SH3BP2: variants seen among roughly 807,000 people sequenced by gnomAD.
SH3BP2 encodes the protein SH3 domain-binding protein 2.
Under a neutral mutation model 56.2 loss-of-function variants are expected in SH3BP2, and 38 were observed. That is an observed-to-expected ratio of 0.68 (90% CI 0.52 to 0.89). The LOEUF is 0.89. Ranked by LOEUF, SH3BP2 falls within the 40% of genes least tolerant of loss-of-function variation. The pLI, the probability that SH3BP2 is intolerant of heterozygous loss-of-function variation, is 0.00. For missense variants in SH3BP2, 748 were observed against 762.6 expected (o/e 0.98, Z 0.23); for synonymous variants, 346 against 316.7 (o/e 1.09, Z -0.98).
intron 3 of SH3BP2, 117 bp from the exon 4 acceptor site, chr4:2,824,496 T>G (rs1724483202): frequency 1.2e-6 from 1 of 802,926 alleles, no homozygotes; most frequent in Non-Finnish European, 2.2e-6. Flanking sequence ...CCACCCGATC[T>G]GCCCTCTTCC....
intron 1 of SH3BP2, chr4:2,818,165 C>T (rs953584314): frequency 1.1e-4 from 110 of 969,794 alleles, no homozygotes; most frequent in Non-Finnish European, 1.3e-4. Context: ...CTCACCTGCC[C>T]GCCCAGTCCC....
At chr4:2,828,817 C>T (rs191848976) in intron 7 of SH3BP2, among the ~76,000 whole-genome samples, 359 of 152,334 alleles carry the variant, frequency 2.4e-3, no homozygotes, top group Middle Eastern at 0.01. Flanking sequence ...CTGAGCCACA[C>T]CAGCCTGGCG....
chr4:2,802,778 T>C (rs1723365221), intron 1 of SH3BP2, among the ~76,000 whole-genome samples: 1 of 151,876 alleles, frequency 6.6e-6, no homozygotes, highest in Non-Finnish European at 1.5e-5. Context: ...CAGAAAGACC[T>C]AACCCTCAAG....
chr4:2,831,449 CAG>C lies in SH3BP2; in HGVS notation c.1242-121_1242-120del, dbSNP rs1309451646. 3 of 762,484 alleles carry C rather than the reference CAG, an allele frequency of 3.9e-6. No homozygotes were observed. Among genetic ancestry groups the C allele is most frequent in the East Asian group, 5.4e-5 (2 of 37,168 alleles). The allele number at this position is 762,484 out of a possible 1,614,324, so 47.2% of individuals were successfully genotyped here. ...TGTTGTCCTGAGCTTTTTAGGGTCACAGGGGCCATAGCAGGCAGCTTGCCGTC... is the reference window on the plus strand; with the variant it reads ...TGTTGTCCTGAGCTTTTTAGGGTCACGGGCCATAGCAGGCAGCTTGCCGTC... On this transcript the variant is annotated intron_variant, in intron 8 of 12. Coordinates refer to ENST00000503393, the MANE Select transcript of SH3BP2 (RefSeq NM_001122681.2). This position sits in a 1 kb window ranked among gnomAD's most constrained non-coding sequence, Gnocchi z 4.1.
chr4:2,832,534 A>C, intron 11 of SH3BP2, 122 bp downstream of exon 11: 1 of 788,262 alleles, frequency 1.3e-6, no homozygotes. Flanking sequence ...TTGGTGTCTC[A>C]GCTGAATTCT....
At chr4:2,832,548 C>G (rs1021308708) in intron 11 of SH3BP2, 136 bp downstream of exon 11, 8 of 744,338 alleles carry the variant, frequency 1.1e-5, no homozygotes, top group Non-Finnish European at 1.7e-5. Context: ...GAATTCTCTT[C>G]CCAGCAGCAC....
chr4:2,820,807 G>C (rs1269473506), intron 2 of SH3BP2, 54 bp downstream of exon 2: 9 of 1,550,590 alleles, frequency 5.8e-6, no homozygotes, highest in Non-Finnish European at 8.8e-7. Flanking sequence ...GGCAGGGCTA[G>C]CCATGTAAGT....
intron 1 of SH3BP2, among the ~76,000 whole-genome samples, chr4:2,802,580 G>GTATATA (rs150785584): frequency 7.3e-6 from 1 of 137,236 alleles, no homozygotes; most frequent in African/African-American, 3.0e-5. Context: ...ATGTGTATAT[G>GTATATA]TATATATATG....
rs754384594 is a variant in SH3BP2, at chr4:2,829,940, C to G, written c.1034C>G (p.Pro345Arg). 4.3e-6 allele frequency: 7 copies of G among 1,613,540 alleles called. No homozygotes were observed. Among genetic ancestry groups the G allele is most frequent in the Non-Finnish European group, 5.9e-6 (7 of 1,179,884 alleles). ...TTCCACCTGTCCCCCCGAGGACCAC[C>G]CACATCTGAGCCCCCACCTGTGCCA... ...KSFHLSPRGP[P>R]TSEPPPVPAN... Residue 345 changes from proline to arginine, a missense_variant, in exon 8 of 13, where the codon CCC becomes CGC. Physicochemically the swap from Pro to Arg is moderately radical, Grantham distance 103 (BLOSUM62 -2). Around this residue, in one of 3 missense-constraint regions of SH3BP2, gnomAD observed 635 missense variants for 615.0 expected, o/e 1.03. Coordinates refer to ENST00000503393, the MANE Select transcript of SH3BP2 (RefSeq NM_001122681.2). The surrounding 1 kb of genome is among the most constrained non-coding windows in gnomAD (Gnocchi z 4.9).
intron 1 of SH3BP2, chr4:2,798,865 G>C (rs182658579): frequency 1.6e-6 from 1 of 607,690 alleles, no homozygotes; most frequent in Admixed American, 6.3e-5. Context: ...GTGTGACCTG[G>C]GCATCCTCCG....
At chr4:2,832,955 C>A in intron 11 of SH3BP2, 35 bp from the exon 12 acceptor site, 1 of 1,609,194 alleles carries the variant, frequency 6.2e-7, no homozygotes, top group Non-Finnish European at 8.5e-7. Context: ...CGCTGTTTCT[C>A]AGGGAGCCGT....
At position 2,832,348 on chromosome 4, in the gene SH3BP2, G is replaced by T; in HGVS notation, c.1424G>T (p.Ser475Ile). The change falls in exon 11 of 13, where the codon AGC (serine) becomes ATC (isoleucine). Residue 475 changes from serine (S) to isoleucine (I), a missense_variant. Ser to Ile is a moderately radical substitution (Grantham distance 142). Transcript: ENST00000503393. ...CEVERLFKAT[S>I]PRGEPQDGLY... is the part of the protein sequence containing the mutation. ...TATTTTAGGTTGTTCAAGGCTACAA[G>T]CCCCCGGGGAGAGCCCCAGGATGGA... 6.2e-7 allele frequency: 1 copy of T among 1,614,022 alleles called. No individual in the cohort carries two copies. The highest frequency in any genetic ancestry group is 1.7e-5 in the Admixed American group (1 of 60,022).
rs1304022596 is a variant in SH3BP2, at chr4:2,838,444, T to G, written c.*4610T>G. 1 of 152,276 alleles carries G rather than the reference T, an allele frequency of 6.6e-6. No homozygotes were observed. Among genetic ancestry groups the G allele is most frequent in the Non-Finnish European group, 1.5e-5 (1 of 68,060 alleles). 9.4% of individuals were successfully genotyped at this position (152,276 alleles called of 1,614,324 possible). On this transcript the variant is annotated 3_prime_UTR_variant, in exon 13 of 13. Transcript: ENST00000503393. ...GGCTCGTTATTATGTCTGTGAGATTTATTCATGTTGCTGTGCGTAGTATAG... is the reference window on the plus strand; with the variant it reads ...GGCTCGTTATTATGTCTGTGAGATTGATTCATGTTGCTGTGCGTAGTATAG...
At chr4:2,827,376 G>A in intron 6 of SH3BP2, 58 bp downstream of exon 6, 1 of 1,497,214 alleles carries the variant, frequency 6.7e-7, no homozygotes, top group African/African-American at 1.4e-5. Flanking sequence ...GCCTCCTCTT[G>A]GCCGCTGTGG....
intron 1 of SH3BP2, among the ~76,000 whole-genome samples, chr4:2,807,173 C>T (rs959251786): frequency 1.3e-5 from 2 of 152,150 alleles, no homozygotes; most frequent in Non-Finnish European, 2.9e-5. Flanking sequence ...GGCTGGCCGG[C>T]GGCTTGTCTC....
chr4:2,795,096 C>CGTAGGGGG (rs1396388393), intron 1 of SH3BP2, among the ~76,000 whole-genome samples: 11 of 152,088 alleles, frequency 7.2e-5, no homozygotes, highest in African/African-American at 2.4e-4. Context: ...TATGAGTGTC[C>CGTAGGGGG]GTAGGGGGGA....
intron 1 of SH3BP2, among the ~76,000 whole-genome samples, chr4:2,802,634 G>GGT (rs1427693859): frequency 1.4e-5 from 2 of 146,888 alleles, no homozygotes; most frequent in Admixed American, 6.8e-5. Context: ...GTATGTATGT[G>GGT]GTGTGTGTAT....
rs1459193034 is a variant in SH3BP2, at chr4:2,831,869, G to C, written c.1351-54G>C. On this transcript the variant is annotated intron_variant, in intron 9 of 12. Transcript: ENST00000503393. This position sits in a 1 kb window ranked among gnomAD's most constrained non-coding sequence, Gnocchi z 4.1. The stretch of plus-strand genomic sequence containing the variant: ...CCGGGTGGCCACCGTCCGGGGAGTG[G>C]TGGTGCGGGTGGATCACTCCGACGT... 20 of 1,585,464 alleles carry C rather than the reference G, an allele frequency of 1.3e-5. No homozygotes were observed. In the East Asian group the frequency reaches 4.0e-4, roughly 32 times the overall value.
intron 1 of SH3BP2, among the ~76,000 whole-genome samples, chr4:2,819,562 C>T (rs1230562368): frequency 3.3e-5 from 5 of 152,190 alleles, no homozygotes; most frequent in African/African-American, 1.2e-4. Flanking sequence ...GGCCACAGGC[C>T]TGCTCCCATC....
Sources: allele counts gnomAD v4.1 joint callset (sites outside exome capture counted in the v4.1 genomes callset), GRCh38; gene constraint gnomAD v4.1.1; regional missense constraint gnomAD v4.1.1; non-coding constraint Gnocchi (gnomAD v3.1); transcripts MANE v1.5; gene names NCBI Gene and HGNC (gene_info 2026-07-23, HGNC 2026-07-21).